DCBLD2: variants seen among roughly 807,000 people sequenced by gnomAD.
DCBLD2 encodes the protein discoidin, CUB and LCCL domain-containing protein 2.
DCBLD2 carries 54 observed loss-of-function variants against 86.8 expected under a neutral mutation model. The observed-to-expected ratio is 0.62, with a 90% CI of 0.50 to 0.78. The LOEUF is 0.78. DCBLD2 is among the 30% of genes least tolerant of loss of function. The probability of loss-of-function intolerance (pLI) is 0.00; values close to 1 mark genes in which losing one functional copy is unlikely to be tolerated. For missense variants in DCBLD2, 908 were observed against 954.2 expected (o/e 0.95, Z 0.64); for synonymous variants, 354 against 341.3 (o/e 1.04, Z -0.41).
intron 2 of DCBLD2, among the ~76,000 whole-genome samples, chr3:98,852,882 C>CACT (rs35944699): frequency 0.37 from 55,685 of 151,690 alleles, 11,128 homozygotes; most frequent in East Asian, 0.71. Context: ...ACAACTAGTA[C>CACT]ACTTGGAAGA....
chr3:98,876,341 GA>G (rs1209319282), intron 2 of DCBLD2, among the ~76,000 whole-genome samples: 1 of 124,884 alleles, frequency 8.0e-6, no homozygotes, highest in Non-Finnish European at 1.6e-5. Flanking sequence ...GAGCAATATA[GA>G]AAGACCTGTC....
chr3:98,837,846 G>A (rs1293272461), intron 3 of DCBLD2, among the ~76,000 whole-genome samples: 7 of 144,738 alleles, frequency 4.8e-5, no homozygotes, highest in African/African-American at 1.3e-4. Context: ...CCTCCCGGAC[G>A]GGGCGGCTGG....
intron 3 of DCBLD2, among the ~76,000 whole-genome samples, chr3:98,843,050 T>C (rs1942649872): frequency 6.6e-6 from 1 of 152,216 alleles, no homozygotes; most frequent in South Asian, 2.1e-4. Flanking sequence ...TATCCTGTAA[T>C]GTGAATTGCC....
chr3:98,833,873 C>A (rs1942370743), intron 3 of DCBLD2, among the ~76,000 whole-genome samples: 1 of 152,200 alleles, frequency 6.6e-6, no homozygotes, highest in Non-Finnish European at 1.5e-5. Context: ...GCTACTGGCT[C>A]CAAAGTCCCA....
At chr3:98,848,759 C>A (rs1201937929) in intron 3 of DCBLD2, among the ~76,000 whole-genome samples, 1 of 152,156 alleles carries the variant, frequency 6.6e-6, no homozygotes, top group Admixed American at 6.5e-5. Flanking sequence ...GATGTGAGAT[C>A]TTATTCTTTG....
At chr3:98,807,964 A>C (rs1374484975) in intron 13 of DCBLD2, 117 bp downstream of exon 13, 1 of 724,580 alleles carries the variant, frequency 1.4e-6, no homozygotes, top group Non-Finnish European at 2.0e-6. Flanking sequence ...TGAAATTTTC[A>C]TTTTAATAAT....
intron 2 of DCBLD2, among the ~76,000 whole-genome samples, chr3:98,872,752 C>T (rs1943300828): frequency 6.6e-6 from 1 of 151,254 alleles, no homozygotes; most frequent in African/African-American, 2.4e-5. Flanking sequence ...AACTATAAAC[C>T]TTACCAAACA....
chr3:98,810,500 A>C (rs753934422), intron 12 of DCBLD2, among the ~76,000 whole-genome samples: 8 of 152,192 alleles, frequency 5.3e-5, no homozygotes, highest in Non-Finnish European at 1.0e-4. Context: ...AAAACAAGGA[A>C]GCTTTTTATG....
chr3:98,812,736 G>C (rs1270943752), intron 9 of DCBLD2: 1 of 302,684 alleles, frequency 3.3e-6, no homozygotes, highest in South Asian at 4.9e-5. Flanking sequence ...AACTTAACAA[G>C]AGGGCTAACT....
chr3:98,832,665 G>A (rs544942500), intron 3 of DCBLD2, among the ~76,000 whole-genome samples: 1 of 152,318 alleles, frequency 6.6e-6, no homozygotes, highest in South Asian at 2.1e-4. Flanking sequence ...TTGCTTATCT[G>A]ACAAGAATCT....
At chr3:98,847,349 A>C (rs36098932) in intron 3 of DCBLD2, among the ~76,000 whole-genome samples, 8,099 of 152,264 alleles carry the variant, frequency 0.053, 272 homozygotes, top group Non-Finnish European at 0.071. Context: ...TCCTTTCCAT[A>C]ACATCACACT....
intron 2 of DCBLD2, among the ~76,000 whole-genome samples, chr3:98,860,437 T>C (rs1189529053): frequency 1.3e-5 from 2 of 149,008 alleles, no homozygotes; most frequent in African/African-American, 5.0e-5. Flanking sequence ...TTCACCAAAG[T>C]TGAAATGAAG....
At chr3:98,838,457 G>A (rs1942529103) in intron 3 of DCBLD2, among the ~76,000 whole-genome samples, 1 of 142,104 alleles carries the variant, frequency 7.0e-6, no homozygotes, top group Non-Finnish European at 1.5e-5. Flanking sequence ...TGGGCGGCCG[G>A]GCAGAGACGC....
rs1241986663 is a variant in DCBLD2 at position 98,870,799 on chromosome 3, AAG to A, written c.433+10739_433+10740del. On this transcript the variant is annotated intron_variant, in intron 2 of 15. Transcript: ENST00000326840. ...AAAGAAAGAAAGAAAGAAAGAAAGA[AAG>A]AAAGAAAGAAAGGTAGGCAGGCATT... 2.2e-4 allele frequency among the ~76,000 whole-genome samples: 32 copies of A among 146,774 alleles called. No individual in the cohort carries two copies. The East Asian group carries it at 3.7e-3, about 17-fold the overall frequency.
At chr3:98,852,652 C>G (rs1942861529) in intron 2 of DCBLD2, among the ~76,000 whole-genome samples, 2 of 152,158 alleles carry the variant, frequency 1.3e-5, no homozygotes, top group African/African-American at 4.8e-5. Context: ...CTGAACTAAT[C>G]AGGTAGGCCC....
rs143094654 is a variant in DCBLD2 at position 98,878,140 on chromosome 3, C to T, written c.433+3400G>A. ...AGTTTGATGAGTAACAGGATATTTC[C>T]AACATTTCAAAGAGTCTCCCAATCA... On this transcript the variant is annotated intron_variant, in intron 2 of 15. Transcript: ENST00000326840. 3.1e-3 allele frequency among the ~76,000 whole-genome samples: 469 copies of T among 152,046 alleles called. 2 individuals carry two copies. Among genetic ancestry groups the T allele is most frequent in the Middle Eastern group, 0.014 (4 of 294 alleles).
chr3:98,862,347 G>A (rs963217227), intron 2 of DCBLD2, among the ~76,000 whole-genome samples: 8 of 152,134 alleles, frequency 5.3e-5, no homozygotes, highest in Non-Finnish European at 1.2e-4. Flanking sequence ...GAAAAAGAGG[G>A]AATCCTCCCT....
intron 2 of DCBLD2, among the ~76,000 whole-genome samples, chr3:98,870,716 A>AAAGAAAAG (rs1943247908): frequency 2.8e-5 from 4 of 142,296 alleles, no homozygotes; most frequent in South Asian, 2.2e-4. Context: ...AAAAGAAAGA[A>AAAGAAAAG]AAAGGAAAAG....
intron 13 of DCBLD2, among the ~76,000 whole-genome samples, chr3:98,805,894 A>G (rs1410525361): frequency 6.6e-6 from 1 of 152,146 alleles, no homozygotes; most frequent in African/African-American, 2.4e-5. Flanking sequence ...TTATGTGTTC[A>G]GAGCAGCAGT....
Sources: gnomAD v4.1 joint callset for allele counts (sites outside exome capture counted in the v4.1 genomes callset) on GRCh38, gnomAD v4.1.1 for gene constraint, MANE v1.5 for transcripts, NCBI Gene and HGNC (gene_info 2026-07-23, HGNC 2026-07-21) for gene names.